The following DYDC2 variants were observed in gnomAD, a reference collection of about 807,000 sequenced individuals.
DYDC2 encodes the protein DPY30 domain-containing protein 2.
Under a neutral mutation model 18.7 loss-of-function variants are expected in DYDC2, and 19 were observed. The observed-to-expected ratio is 1.02, with a 90% confidence interval of 0.71 to 1.49. The LOEUF (loss-of-function observed/expected upper bound fraction) is 1.49, where lower values mean the gene tolerates loss of function less well. DYDC2 is among the 40% of genes most tolerant of loss of function. DYDC2 has a pLI of 0.00. For synonymous variants in DYDC2, 63 were observed against 67.6 expected (o/e 0.93, Z 0.34); for missense variants, 179 against 205.1 (o/e 0.87, Z 0.78).
intron 2 of DYDC2, among the ~76,000 whole-genome samples, chr10:80,358,500 T>C (rs2132880427): frequency 6.6e-6 from 1 of 152,320 alleles, no homozygotes; most frequent in Non-Finnish European, 1.5e-5. Context: ...CACATTTCCT[T>C]CAGATCATTG....
intron 2 of DYDC2, among the ~76,000 whole-genome samples, chr10:80,359,705 C>G (rs982767401): frequency 2.6e-5 from 4 of 152,182 alleles, no homozygotes; most frequent in Admixed American, 6.5e-5. Context: ...CTGGGGGACC[C>G]AGCACACCCT....
chr10:80,356,381 G>A, upstream of DYDC2: 8 of 985,788 alleles, frequency 8.1e-6, no homozygotes, highest in Non-Finnish European at 9.6e-6. Flanking sequence ...TAGCCAGCCA[G>A]CCAGCCAACT....
Position 80,358,032 on chromosome 10 carries a change from C to T in DYDC2, c.-23C>T, listed in dbSNP as rs1427159372. The T allele has an allele frequency of 3.0e-6, 3 of 985,418 alleles. No individual in the cohort carries two copies. The highest frequency in any genetic ancestry group is 3.5e-5 in the African/African-American group (2 of 57,172). 61.0% of individuals were successfully genotyped at this position (985,418 alleles called of 1,614,324 possible). ...GCTCTGGGAAACACTGAAAAATAGC[C>T]TCTCCCCCCATTGGTGAGTGTACCC... On this transcript the variant is annotated 5_prime_UTR_variant, in exon 2 of 5. Coordinates refer to ENST00000256039, the MANE Select transcript of DYDC2 (RefSeq NM_032372.6).
At position 80,367,818 on chromosome 10, in the gene DYDC2, A is replaced by G. The variant is rs1352043583; in HGVS notation, c.*867A>G. 2 of 152,242 alleles carry G rather than the reference A, an allele frequency of 1.3e-5. No individual in the cohort carries two copies. Among genetic ancestry groups the G allele is most frequent in the Admixed American group, 6.5e-5 (1 of 15,284 alleles). The allele number at this position is 152,242 out of a possible 1,614,324, so 9.4% of individuals were successfully genotyped here. On this transcript the variant is annotated 3_prime_UTR_variant, in exon 5 of 5. Transcript: ENST00000256039. Reference sequence around the variant, plus strand: ...TTCTTCAATTTTAGTAACTGGTAAAATACATGTAAGATGTACCATCTTAAC... The same window carrying G: ...TTCTTCAATTTTAGTAACTGGTAAAGTACATGTAAGATGTACCATCTTAAC...
chr10:80,360,213 T>TTCCCTTA (rs1444818803), intron 2 of DYDC2, among the ~76,000 whole-genome samples: 5 of 152,232 alleles, frequency 3.3e-5, no homozygotes, highest in Non-Finnish European at 5.9e-5. Context: ...TTTTTTTTAA[T>TTCCCTTA]TCCCTTACAG....
At chr10:80,363,402 T>C (rs920893693) in intron 4 of DYDC2, among the ~76,000 whole-genome samples, 3 of 137,970 alleles carry the variant, frequency 2.2e-5, no homozygotes, top group African/African-American at 8.3e-5. Context: ...TGGAGCACAG[T>C]GGAGCGATCT....
At chr10:80,363,204 C>G in intron 4 of DYDC2, 131 bp downstream of exon 4, 1 of 796,072 alleles carries the variant, frequency 1.3e-6, no homozygotes. Context: ...AATATATGTG[C>G]AAGTATTCAC....
chr10:80,366,736 G>A lies in DYDC2; in HGVS notation c.319G>A (p.Glu107Lys). Residue 107 changes from glutamate to lysine, a missense_variant, in exon 5 of 5, where the codon GAG becomes AAG. By Grantham distance (56) the Glu-to-Lys change is moderately conservative (BLOSUM62 1). Coordinates refer to ENST00000256039, the MANE Select transcript of DYDC2 (RefSeq NM_032372.6). ...CACGAAGAAGACCATATTCATGCAG[G>A]AGGACACAAACCCCCTTGAGAAGGA... is the stretch of plus-strand genomic sequence containing the variant. ...VSTKKTIFMQ[E>K]DTNPLEKEAL... 1 of 1,613,884 alleles carries A rather than the reference G, an allele frequency of 6.2e-7. No individual in the cohort carries two copies. Among genetic ancestry groups the A allele is most frequent in the Non-Finnish European group, 8.5e-7 (1 of 1,179,880 alleles).
Position 80,366,723 on chromosome 10 carries a change from C to A in DYDC2, c.306C>A (p.Thr102=), listed in dbSNP as rs979312644. The A allele has an allele frequency of 3.7e-6, 6 of 1,611,560 alleles. No homozygotes were observed. In the African/African-American group the frequency reaches 8.0e-5, roughly 22 times the overall value. Residue 102 remains threonine (T), a synonymous_variant, in exon 5 of 5, where the codon ACC becomes ACA. Coordinates refer to ENST00000256039, the MANE Select transcript of DYDC2 (RefSeq NM_032372.6). ...CTGAAACTGTTTCCACGAAGAAGACCATATTCATGCAGGAGGACACAAACC... is the reference window on the plus strand; with the variant it reads ...CTGAAACTGTTTCCACGAAGAAGACAATATTCATGCAGGAGGACACAAACC... ...LTSETVSTKK[T]IFMQEDTNPL...
chr10:80,363,197 A>G (rs1421787830), intron 4 of DYDC2, 124 bp downstream of exon 4: 1 of 934,718 alleles, frequency 1.1e-6, no homozygotes. Context: ...GATTTTCAAT[A>G]TATGTGCAAG....
chr10:80,358,948 G>GA (rs1843567896), intron 2 of DYDC2, among the ~76,000 whole-genome samples: 2 of 152,188 alleles, frequency 1.3e-5, no homozygotes, highest in Middle Eastern at 3.2e-3. Context: ...CCTTTGCAGT[G>GA]AGTGTTACAG....
In DYDC2 at chr10:80,358,024, A is replaced by C. The variant is rs1354389609; in HGVS notation, c.-31A>C. 1 of 985,422 alleles carries C rather than the reference A, an allele frequency of 1.0e-6. No homozygotes were observed. Among genetic ancestry groups the C allele is most frequent in the Non-Finnish European group, 1.2e-6 (1 of 830,074 alleles). The allele number at this position is 985,422 out of a possible 1,614,324, so 61.0% of individuals were successfully genotyped here. A position where few individuals can be genotyped will look rare whatever the true frequency, so the allele number is the denominator to read the frequency against. On this transcript the variant is annotated 5_prime_UTR_variant, in exon 2 of 5. Coordinates refer to ENST00000256039, the MANE Select transcript of DYDC2 (RefSeq NM_032372.6). ...TCAGAGGAGCTCTGGGAAACACTGA[A>C]AAATAGCCTCTCCCCCCATTGGTGA... is the stretch of plus-strand genomic sequence containing the variant.
At chr10:80,357,005 G>A (rs1333279005) in intron 1 of DYDC2, among the ~76,000 whole-genome samples, 180 bp downstream of exon 1, 2 of 148,016 alleles carry the variant, frequency 1.4e-5, no homozygotes, top group Non-Finnish European at 3.0e-5. Context: ...GCGCGGCAGA[G>A]AGGAGGGGGC....
At chr10:80,347,080 C>T (rs561880271) in intron 1 of DYDC2, among the ~76,000 whole-genome samples, 4 of 147,090 alleles carry the variant, frequency 2.7e-5, no homozygotes, top group Non-Finnish European at 6.0e-5. Flanking sequence ...ACTCTGTGTC[C>T]GAAAAAGAAA....
rs1295464566 is a variant in DYDC2 at position 80,359,161 on chromosome 10, CAG to C, written c.-10+1121_-10+1122del. Among the ~76,000 whole-genome samples the C allele has an allele frequency of 8.5e-5, 13 of 152,300 alleles. No homozygotes were observed. In the South Asian group the frequency reaches 1.9e-3, roughly 22 times the overall value. On this transcript the variant is annotated intron_variant, in intron 2 of 4. Coordinates refer to ENST00000256039, the MANE Select transcript of DYDC2 (RefSeq NM_032372.6). ...ACAGAGAGCTGATTGCTCTGTTTTA[CAG>C]AGAGCTGATTGGTCCATTTTGACAG...
chr10:80,349,238 G>A (rs1244940675), intron 1 of DYDC2, among the ~76,000 whole-genome samples: 1 of 152,130 alleles, frequency 6.6e-6, no homozygotes, highest in African/African-American at 2.4e-5. Flanking sequence ...CCACACTAAC[G>A]CTGAACTTCA....
chr10:80,351,731 A>C (rs1324976713), intron 1 of DYDC2, among the ~76,000 whole-genome samples: 1 of 152,244 alleles, frequency 6.6e-6, no homozygotes, highest in Non-Finnish European at 1.5e-5. Flanking sequence ...AGGAAAACTC[A>C]TGGCTGCTGC....
chr10:80,356,217 C>A (rs1455524147), upstream of DYDC2: 1 of 978,924 alleles, frequency 1.0e-6, no homozygotes, highest in Non-Finnish European at 1.2e-6. Flanking sequence ...TAATACCCAT[C>A]TCTCCTGTGG....
chr10:80,361,868 C>T (rs1843672517), intron 2 of DYDC2, among the ~76,000 whole-genome samples: 1 of 152,196 alleles, frequency 6.6e-6, no homozygotes, highest in Admixed American at 6.5e-5. Context: ...TGTCCTGCCC[C>T]AGCCTTGGAA....
Sources: gnomAD v4.1 joint callset for allele counts (sites outside exome capture counted in the v4.1 genomes callset) on GRCh38, gnomAD v4.1.1 for gene constraint, MANE v1.5 for transcripts, NCBI Gene and HGNC (gene_info 2026-07-23, HGNC 2026-07-21) for gene names.